The following ZNF503 variants were observed in gnomAD, a reference collection of about 807,000 sequenced individuals.
The protein encoded by ZNF503 is zinc finger protein 503, also known as NocA-like zinc finger 2.
A neutral mutation model predicts 34.4 loss-of-function variants in ZNF503; 15 were observed. The observed-to-expected ratio is 0.44, with a 90% CI of 0.29 to 0.67. The LOEUF is 0.67. ZNF503 is among the 30% of genes least tolerant of loss of function. The pLI is 0.13. For synonymous variants in ZNF503, 580 were observed against 456.8 expected (o/e 1.27, Z -3.44); for missense variants, 1,007 against 926.8 (o/e 1.09, Z -1.12).
the ZNF503 span, among the ~76,000 whole-genome samples, chr10:75,370,338 CA>C: frequency 6.6e-6 from 1 of 152,090 alleles, no homozygotes; most frequent in South Asian, 2.1e-4. Flanking sequence ...GCCAGCAAGA[CA>C]ATAATTTTTC....
chr10:75,348,478 G>A, the ZNF503 span, among the ~76,000 whole-genome samples: 8 of 146,742 alleles, frequency 5.5e-5, no homozygotes, highest in Admixed American at 1.4e-4. Flanking sequence ...GATTACAGGC[G>A]TGAGCCACCA....
the ZNF503 span, among the ~76,000 whole-genome samples, chr10:75,329,403 TTCCTTCCTTCCTTTCCTTCC>T: frequency 1.2e-5 from 1 of 86,160 alleles, no homozygotes; most frequent in African/African-American, 4.4e-5. Flanking sequence ...CCTTCCTTCC[TTCCTTCCTTCCTTTCCTTCC>T]TTCCTTCCTT....
At chr10:75,396,785 T>A (rs113039198), downstream of ZNF503, among the ~76,000 whole-genome samples, 13,043 of 152,120 alleles carry the variant, frequency 0.086, 1,729 homozygotes, top group African/African-American at 0.29. This position sits in a 1 kb window ranked among gnomAD's most constrained non-coding sequence, Gnocchi z 4.4. Flanking sequence ...CCGGAGGACC[T>A]GGGCTAGCGC....
At chr10:75,384,442 G>A in the ZNF503 span, among the ~76,000 whole-genome samples, 1 of 152,098 alleles carries the variant, frequency 6.6e-6, no homozygotes, top group Non-Finnish European at 1.5e-5. Flanking sequence ...TGTCACTTGG[G>A]CTTGTCCAAA....
chr10:75,392,227 C>T, the ZNF503 span, among the ~76,000 whole-genome samples: 1 of 152,168 alleles, frequency 6.6e-6, no homozygotes, highest in African/African-American at 2.4e-5. Context: ...TTCTTGTTGG[C>T]AATGTGCTGT....
chr10:75,328,743 TTTC>T, the ZNF503 span, among the ~76,000 whole-genome samples: 17 of 92,722 alleles, frequency 1.8e-4, no homozygotes, highest in African/African-American at 8.4e-4. Context: ...TGAAATGTCT[TTTC>T]TTTTTTTTTT....
the ZNF503 span, chr10:75,296,483 G>T: frequency 1.5e-5 from 2 of 131,674 alleles, no homozygotes; most frequent in African/African-American, 5.5e-5. Flanking sequence ...GGGCCAAGTA[G>T]AGGGTGGCTC....
chr10:75,319,081 T>A, the ZNF503 span, among the ~76,000 whole-genome samples: 1 of 152,110 alleles, frequency 6.6e-6, no homozygotes, highest in African/African-American at 2.4e-5. Context: ...CACCTCACCT[T>A]CCTGAGTAGC....
At chr10:75,394,802 T>C (rs1843678784), downstream of ZNF503, among the ~76,000 whole-genome samples, 1 of 152,188 alleles carries the variant, frequency 6.6e-6, no homozygotes, top group South Asian at 2.1e-4. Flanking sequence ...TTGTGTTAGT[T>C]GTGCTTACTC....
the ZNF503 span, among the ~76,000 whole-genome samples, chr10:75,326,536 A>G: frequency 7.9e-5 from 12 of 151,954 alleles, no homozygotes; most frequent in Admixed American, 2.6e-4. Flanking sequence ...GACTTTCCAG[A>G]TATCTTTCAT....
chr10:75,369,895 C>T, the ZNF503 span, among the ~76,000 whole-genome samples: 3 of 151,792 alleles, frequency 2.0e-5, no homozygotes, highest in African/African-American at 4.8e-5. Context: ...GGCGAAACCT[C>T]GTCTCTACTA....
chr10:75,345,011 T>C, the ZNF503 span, among the ~76,000 whole-genome samples: 3 of 152,242 alleles, frequency 2.0e-5, no homozygotes, highest in African/African-American at 7.2e-5. Flanking sequence ...GACATTGATA[T>C]ATCAGTGATG....
chr10:75,393,432 A>T (rs1690842942), downstream of ZNF503, among the ~76,000 whole-genome samples: 1 of 152,170 alleles, frequency 6.6e-6, no homozygotes, highest in Non-Finnish European at 1.5e-5. Context: ...TGTCTTTATT[A>T]TTTCAAAATA....
chr10:75,397,423 G>A (rs964348434), downstream of ZNF503, among the ~76,000 whole-genome samples: 2 of 152,056 alleles, frequency 1.3e-5, no homozygotes, highest in Non-Finnish European at 2.9e-5. Flanking sequence ...CCGAGGCCCC[G>A]GCCCAGGCCC....
the ZNF503 span, among the ~76,000 whole-genome samples, chr10:75,378,250 A>G: frequency 6.6e-6 from 1 of 152,050 alleles, no homozygotes; most frequent in Admixed American, 6.6e-5. Context: ...CCTTGCTGTC[A>G]CTCAGAAAAA....
the ZNF503 span, among the ~76,000 whole-genome samples, chr10:75,287,849 C>A: frequency 1.3e-5 from 2 of 152,346 alleles, no homozygotes; most frequent in East Asian, 3.9e-4. Flanking sequence ...GCAAATTCCT[C>A]AGGAAGGACT....
the ZNF503 span, among the ~76,000 whole-genome samples, chr10:75,366,960 C>G: frequency 1.3e-5 from 2 of 152,192 alleles, no homozygotes; most frequent in Non-Finnish European, 2.9e-5. Context: ...TGATTCACTT[C>G]CCACTCCTAG....
chr10:75,313,614 C>T, the ZNF503 span, among the ~76,000 whole-genome samples: 2 of 152,238 alleles, frequency 1.3e-5, no homozygotes, highest in East Asian at 3.8e-4. Context: ...CAAGAAGCTT[C>T]CACATGAACC....
the ZNF503 span, among the ~76,000 whole-genome samples, chr10:75,385,569 G>A: frequency 6.6e-6 from 1 of 152,154 alleles, no homozygotes; most frequent in Non-Finnish European, 1.5e-5. Flanking sequence ...ACTCCCACAT[G>A]GCCTGTCCTG....
Sources: allele counts gnomAD v4.1 joint callset (sites outside exome capture counted in the v4.1 genomes callset), GRCh38; gene constraint gnomAD v4.1.1; non-coding constraint Gnocchi (gnomAD v3.1); transcripts MANE v1.5; gene names NCBI Gene and HGNC (gene_info 2026-07-23, HGNC 2026-07-21).